The following FRMD5 variants were observed in gnomAD, a reference collection of about 807,000 sequenced individuals.
FRMD5 encodes FERM domain-containing protein 5.
FRMD5 carries 20 observed loss-of-function variants against 69.0 expected under a neutral mutation model. That is an observed-to-expected ratio of 0.29 (90% confidence interval 0.20 to 0.42). The LOEUF is 0.42. Ranked by LOEUF, FRMD5 falls within the 10% of genes least tolerant of loss-of-function variation. The pLI is 1.00. For missense variants in FRMD5, 595 were observed against 708.6 expected, an observed-to-expected ratio of 0.84 and a Z score of 1.82; for synonymous variants, 271 against 260.1, an observed-to-expected ratio of 1.04 and a Z score of -0.40.
At chr15:43,878,938 T>C (rs1285302789) in intron 13 of FRMD5, among the ~76,000 whole-genome samples, 149 of 142,958 alleles carry the variant, frequency 1.0e-3, no homozygotes, top group African/African-American at 3.7e-3. Context: ...TTTTCTTTTT[T>C]TTTTTTTTTT....
At chr15:43,888,086 C>A in intron 10 of FRMD5, 89 bp downstream of exon 10, 1 of 1,017,670 alleles carries the variant, frequency 9.8e-7, no homozygotes, top group Non-Finnish European at 1.5e-6. Context: ...CTACCCCGCC[C>A]CAAGTTCCTG....
At chr15:44,153,881 T>C (rs923036825) in intron 1 of FRMD5, among the ~76,000 whole-genome samples, 2 of 152,080 alleles carry the variant, frequency 1.3e-5, no homozygotes, top group African/African-American at 2.4e-5. Context: ...GGCAGGAGAA[T>C]TGCTTGAACC....
intron 12 of FRMD5, among the ~76,000 whole-genome samples, chr15:43,884,093 G>A (rs2088603547): frequency 6.6e-6 from 1 of 152,260 alleles, no homozygotes; most frequent in Middle Eastern, 3.4e-3. Context: ...GACTGTCAGA[G>A]AGTAGAGCCC....
intron 1 of FRMD5, among the ~76,000 whole-genome samples, chr15:43,974,693 A>C (rs2090437632): frequency 6.6e-6 from 1 of 152,232 alleles, no homozygotes; most frequent in Non-Finnish European, 1.5e-5. Flanking sequence ...AACTATTCAC[A>C]AATTCTAATA....
At chr15:44,005,052 G>A (rs972796082) in intron 1 of FRMD5, among the ~76,000 whole-genome samples, 1 of 152,182 alleles carries the variant, frequency 6.6e-6, no homozygotes, top group Non-Finnish European at 1.5e-5. Flanking sequence ...CCAGAGCAAG[G>A]CCTTACCTCT....
chr15:44,083,146 A>G (rs1429766963), intron 1 of FRMD5, among the ~76,000 whole-genome samples: 1 of 152,028 alleles, frequency 6.6e-6, no homozygotes, highest in African/African-American at 2.4e-5. Flanking sequence ...TCATATATAA[A>G]TATCACAGGA....
intron 1 of FRMD5, among the ~76,000 whole-genome samples, chr15:44,185,907 T>G (rs528894909): frequency 1.4e-4 from 21 of 152,272 alleles, no homozygotes; most frequent in African/African-American, 5.1e-4. Flanking sequence ...ATTCACTAAT[T>G]CTGCTTTCTT....
intron 1 of FRMD5, among the ~76,000 whole-genome samples, chr15:43,999,358 G>A (rs139930882): frequency 1.3e-4 from 20 of 152,208 alleles, no homozygotes; most frequent in East Asian, 5.8e-4. Context: ...GTGAGCCACC[G>A]CACTCAGCCT....
At chr15:44,130,049 T>C (rs569447862) in intron 1 of FRMD5, among the ~76,000 whole-genome samples, 1 of 152,312 alleles carries the variant, frequency 6.6e-6, no homozygotes, top group East Asian at 1.9e-4. Context: ...TCTTAAAAGA[T>C]GCTGGGATGG....
At chr15:44,010,705 C>G (rs764715152) in intron 1 of FRMD5, among the ~76,000 whole-genome samples, 5 of 152,002 alleles carry the variant, frequency 3.3e-5, no homozygotes, top group Non-Finnish European at 5.9e-5. Context: ...CTTCTCTAAA[C>G]CAGACCTACA....
chr15:44,095,393 TAG>T (rs1320184424), intron 1 of FRMD5, among the ~76,000 whole-genome samples: 1 of 151,962 alleles, frequency 6.6e-6, no homozygotes, highest in Non-Finnish European at 1.5e-5. Flanking sequence ...TTTGTAGAGT[TAG>T]AGTCTCACTA....
chr15:43,971,392 T>A (rs1015238787), intron 1 of FRMD5, among the ~76,000 whole-genome samples: 1 of 152,104 alleles, frequency 6.6e-6, no homozygotes, highest in African/African-American at 2.4e-5. Context: ...TGCTACTATT[T>A]TTTCTTTTGT....
Position 43,874,171 on chromosome 15 carries a change from C to T in FRMD5, c.1427G>A (p.Gly476Glu), listed in dbSNP as rs774518297. The T allele has an allele frequency of 2.5e-6, 4 of 1,614,090 alleles. No individual in the cohort carries two copies. Among genetic ancestry groups the T allele is most frequent in the South Asian group, 1.1e-5 (1 of 91,086 alleles). The stretch of plus-strand genomic sequence containing the variant: ...CTGACACAGGGCCCTCAGCTCTCCC[C>T]CAAGGGCCTCCACCTCTGTAGCAGT... Reference protein sequence around the residue: ...TPTATEVEALGGELRALCQGH... With the variant: ...TPTATEVEALEGELRALCQGH... The change falls in exon 14 of 14, where the codon GGG becomes GAG. Residue 476 changes from glycine to glutamate, a missense_variant. This residue lies in a region of FRMD5 where 245 missense variants were observed against 227.1 expected (regional missense o/e 1.08). Transcript: ENST00000417257.
intron 7 of FRMD5, among the ~76,000 whole-genome samples, chr15:43,897,962 C>T (rs1401350201): frequency 2.0e-5 from 3 of 152,206 alleles, no homozygotes; most frequent in South Asian, 2.1e-4. Context: ...CCTGCTTCCC[C>T]TTCCGCTATG....
At chr15:43,900,896 T>C (rs1478142984) in intron 7 of FRMD5, among the ~76,000 whole-genome samples, 1 of 152,106 alleles carries the variant, frequency 6.6e-6, no homozygotes, top group African/African-American at 2.4e-5. Context: ...GGATAACAGG[T>C]GTGAGCCACT....
chr15:44,159,807 A>T (rs1200820696), intron 1 of FRMD5, among the ~76,000 whole-genome samples: 1 of 152,216 alleles, frequency 6.6e-6, no homozygotes, highest in East Asian at 1.9e-4. Context: ...CCAGGCAACA[A>T]ATAGCAGCTG....
At chr15:43,923,180 A>G (rs2089526507) in intron 2 of FRMD5, among the ~76,000 whole-genome samples, 1 of 152,224 alleles carries the variant, frequency 6.6e-6, no homozygotes, top group African/African-American at 2.4e-5. Flanking sequence ...TCACTCATGC[A>G]TTCATTTCTT....
chr15:44,015,683 G>A (rs1018618936), intron 1 of FRMD5, among the ~76,000 whole-genome samples: 1 of 152,034 alleles, frequency 6.6e-6, no homozygotes, highest in Non-Finnish European at 1.5e-5. Context: ...AAAACTTCAG[G>A]GTTGGGCTGC....
chr15:44,095,123 T>C (rs929416157), intron 1 of FRMD5, among the ~76,000 whole-genome samples: 1 of 151,936 alleles, frequency 6.6e-6, no homozygotes, highest in Non-Finnish European at 1.5e-5. Context: ...CGAGTCCATC[T>C]GAGACCTGAT....
Sources: allele counts gnomAD v4.1 joint callset (sites outside exome capture counted in the v4.1 genomes callset), GRCh38; gene constraint gnomAD v4.1.1; regional missense constraint gnomAD v4.1.1; transcripts MANE v1.5; gene names NCBI Gene and HGNC (gene_info 2026-07-23, HGNC 2026-07-21).